ANGEL2: variants seen among roughly 807,000 people sequenced by gnomAD.
ANGEL2 encodes the protein angel homolog 2, also known as RNA 2',3'-cyclic phosphatase ANGEL2.
Under a neutral mutation model 66.0 loss-of-function variants are expected in ANGEL2, and 41 were observed. The observed-to-expected ratio is 0.62, with a 90% CI of 0.48 to 0.81. The LOEUF is 0.81. ANGEL2 is among the 30% of genes least tolerant of loss of function. ANGEL2 has a pLI of 0.00. For missense variants in ANGEL2, 561 were observed against 641.6 expected (o/e 0.87, Z 1.36); for synonymous variants, 208 against 226.5 (o/e 0.92, Z 0.73).
At chr1:212,997,350 G>C (rs370279688) in intron 7 of ANGEL2, 32 bp from the exon 8 acceptor site, 7 of 1,565,488 alleles carry the variant, frequency 4.5e-6, no homozygotes, top group Non-Finnish European at 6.1e-6. Context: ...TTTAGAATCC[G>C]AGTTTTTGTA....
chr1:212,999,705 T>C (rs916500635), intron 7 of ANGEL2, among the ~76,000 whole-genome samples: 4 of 152,256 alleles, frequency 2.6e-5, no homozygotes, highest in Non-Finnish European at 5.9e-5. Context: ...TTAACATGTA[T>C]CAATTTCTCA....
At chr1:213,015,416 C>T (rs1273580159) in intron 1 of ANGEL2, 197 bp downstream of exon 1, 5 of 1,425,092 alleles carry the variant, frequency 3.5e-6, no homozygotes, top group African/African-American at 2.9e-5. Context: ...CCCAGCGTCC[C>T]GCCAGCTGCG....
intron 2 of ANGEL2, among the ~76,000 whole-genome samples, chr1:213,012,052 T>C (rs939974420): frequency 6.6e-6 from 1 of 152,262 alleles, no homozygotes; most frequent in South Asian, 2.1e-4. Context: ...TGTTTTTTTC[T>C]GACTAGGTCC....
At position 213,015,635 on chromosome 1, in the gene ANGEL2, G is replaced by A. The variant is rs1362281762; in HGVS notation, c.37C>T (p.His13Tyr). 2 of 1,613,662 alleles carry A rather than the reference G, an allele frequency of 1.2e-6. No individual in the cohort carries two copies. Among genetic ancestry groups the A allele is most frequent in the Non-Finnish European group, 1.7e-6 (2 of 1,179,938 alleles). ...GACCGGCCTCTTCCCACCACACAGT[G>A]GCCGTAGCCCTTCCTCACACAGCGC... ...AWRCVRKGYG[H>Y]CVVGRGRYPM... The change falls in exon 1 of 9, where the codon CAC becomes TAC. Residue 13 changes from histidine to tyrosine, a missense_variant. Transcript: ENST00000366962.
intron 8 of ANGEL2, 108 bp from the exon 9 acceptor site, chr1:212,995,300 G>C: frequency 1.1e-6 from 1 of 903,616 alleles, no homozygotes; most frequent in Admixed American, 3.1e-5. Context: ...GGCCCCTCCA[G>C]AAGACTAAAA....
At chr1:213,011,829 C>G (rs977659167) in intron 2 of ANGEL2, among the ~76,000 whole-genome samples, 27 of 152,182 alleles carry the variant, frequency 1.8e-4, no homozygotes, top group African/African-American at 6.5e-4. Context: ...GTGTGCTGAC[C>G]TGATGGACAA....
intron 6 of ANGEL2, 67 bp from the exon 7 acceptor site, chr1:213,000,450 C>A: frequency 7.4e-7 from 1 of 1,356,850 alleles, no homozygotes; most frequent in South Asian, 1.2e-5. Context: ...TCATCTTACT[C>A]TAGAAACAAT....
chr1:213,003,813 AT>A (rs2076244584), intron 5 of ANGEL2, among the ~76,000 whole-genome samples: 1 of 152,222 alleles, frequency 6.6e-6, no homozygotes, highest in Non-Finnish European at 1.5e-5. Context: ...TGAAACTTCA[AT>A]TTTGTAAAAT....
At chr1:213,000,269 T>C (rs1430102038) in intron 7 of ANGEL2, 57 bp downstream of exon 7, 30 of 1,472,132 alleles carry the variant, frequency 2.0e-5, no homozygotes, top group Admixed American at 1.1e-4. Flanking sequence ...TTTTGAGAAA[T>C]GAGTTTTTTA....
Position 213,013,132 on chromosome 1 carries a change from C to T in ANGEL2, c.346G>A (p.Glu116Lys). The change falls in exon 2 of 9, where the codon GAG becomes AAG. Residue 116 changes from glutamate to lysine, a missense_variant. Transcript: ENST00000366962. ...IHLSSYVMNA[E>K]GDEPSSKRRK... ...CGTTTTGATGAAGGCTCATCTCCCT[C>T]AGCGTTCATGACGTAACTAGAGAGA... 1.2e-6 allele frequency: 2 copies of T among 1,614,130 alleles called. No homozygotes were observed. The highest frequency in any genetic ancestry group is 1.7e-6 in the Non-Finnish European group (2 of 1,180,006).
At chr1:213,002,998 T>C (rs2076220330) in intron 5 of ANGEL2, among the ~76,000 whole-genome samples, 1 of 152,196 alleles carries the variant, frequency 6.6e-6, no homozygotes, top group African/African-American at 2.4e-5. Flanking sequence ...GATAACCTAC[T>C]GCAGCTTCTA....
At chr1:213,015,544 C>T in intron 1 of ANGEL2, 69 bp downstream of exon 1, 2 of 1,591,256 alleles carry the variant, frequency 1.3e-6, no homozygotes, top group Non-Finnish European at 1.7e-6. Context: ...GGGTTAGTCC[C>T]GGACGCCCGC....
intron 7 of ANGEL2, 24 bp downstream of exon 7, chr1:213,000,302 C>T: frequency 6.3e-7 from 1 of 1,592,548 alleles, no homozygotes; most frequent in Non-Finnish European, 8.6e-7. Context: ...TAGCAAATGT[C>T]TCCTTTTGCT....
chr1:213,009,946 G>A (rs913117721), intron 2 of ANGEL2, among the ~76,000 whole-genome samples: 20 of 151,558 alleles, frequency 1.3e-4, no homozygotes, highest in Non-Finnish European at 2.2e-4. Flanking sequence ...AGCTACTCAG[G>A]AGGCTGAAGC....
intron 5 of ANGEL2, 102 bp downstream of exon 5, chr1:213,004,931 G>C: frequency 1.2e-6 from 1 of 804,366 alleles, no homozygotes; most frequent in Non-Finnish European, 1.9e-6. Flanking sequence ...GAGGGTACTG[G>C]ATCATCCAAG....
rs749217183 is a variant in ANGEL2 at position 213,008,314 on chromosome 1, G to A, written c.538C>T (p.Leu180=). The change falls in exon 3 of 9, where the codon CTG becomes TTG. Residue 180 remains leucine (L), a synonymous_variant. Transcript: ENST00000366962. ...MSYNILSQDL[L]EDNSHLYRHC... ...CTATAAAGGTGAGAGTTATCTTCCA[G>A]TAAATCTTGTGAAAGTATATTATAG... 2.5e-6 allele frequency: 4 copies of A among 1,614,170 alleles called. No homozygotes were observed. In the South Asian group the frequency reaches 3.3e-5, roughly 13 times the overall value.
Position 213,008,358 on chromosome 1 carries a change from A to G in ANGEL2, c.494T>C (p.Phe165Ser). Reference sequence around the variant, plus strand: ...ATTATAGGACATCACTGAAAAGTCAAACTTGTTCTCACTGTCTTCACATTT... The same window carrying G: ...ATTATAGGACATCACTGAAAAGTCAGACTTGTTCTCACTGTCTTCACATTT... ...DPKCEDSENK[F>S]DFSVMSYNIL... The change falls in exon 3 of 9, where the codon TTT (phenylalanine) becomes TCT (serine). Residue 165 changes from phenylalanine to serine, a missense_variant. Transcript: ENST00000366962. The G allele has an allele frequency of 6.2e-7, 1 of 1,614,206 alleles. No homozygotes were observed. Among genetic ancestry groups the G allele is most frequent in the Non-Finnish European group, 8.5e-7 (1 of 1,180,038 alleles).
intron 1 of ANGEL2, among the ~76,000 whole-genome samples, chr1:213,014,569 A>C (rs997801297): frequency 2.0e-5 from 3 of 152,242 alleles, no homozygotes; most frequent in Admixed American, 2.0e-4. Context: ...CTAATAAGCC[A>C]CTGTATTGAA....
chr1:212,992,821 AAATT>A lies in ANGEL2; in HGVS notation c.*2216_*2219del, dbSNP rs2075890444. 1 of 152,242 alleles carries A rather than the reference AAATT, an allele frequency of 6.6e-6. No homozygotes were observed. The highest frequency in any genetic ancestry group is 2.4e-5 in the African/African-American group (1 of 41,462). 9.4% of individuals were successfully genotyped at this position (152,242 alleles called of 1,614,324 possible). A position where few individuals can be genotyped will look rare whatever the true frequency, so the allele number is the denominator to read the frequency against. On this transcript the variant is annotated 3_prime_UTR_variant, in exon 9 of 9. Coordinates refer to ENST00000366962, the MANE Select transcript of ANGEL2 (RefSeq NM_144567.5). Reference sequence around the variant, plus strand: ...ATATGTAATAATGTTATTTGTTAATAAATTCACACAACACAAAGCAGTAATTAAC... The same window carrying A: ...ATATGTAATAATGTTATTTGTTAATACACACAACACAAAGCAGTAATTAAC...
Sources: gnomAD v4.1 joint callset for allele counts (sites outside exome capture counted in the v4.1 genomes callset) on GRCh38, gnomAD v4.1.1 for gene constraint, MANE v1.5 for transcripts, NCBI Gene and HGNC (gene_info 2026-07-23, HGNC 2026-07-21) for gene names.